Variants in SLC1A7 observed in about 807,000 individuals in gnomAD.
The protein encoded by SLC1A7 is excitatory amino acid transporter 5.
Under a neutral mutation model 47.7 loss-of-function variants are expected in SLC1A7, and 40 were observed. The ratio of observed to expected loss-of-function variants is 0.84; its 90% CI spans 0.65 to 1.09. The LOEUF (loss-of-function observed/expected upper bound fraction) is 1.09, where lower values mean the gene tolerates loss of function less well. Ranked by LOEUF, SLC1A7 falls within the 50% of genes least tolerant of loss-of-function variation. The pLI is 0.00. For missense variants in SLC1A7, 746 were observed against 769.5 expected, an observed-to-expected ratio of 0.97 and a Z score of 0.36; for synonymous variants, 323 against 325.6, an observed-to-expected ratio of 0.99 and a Z score of 0.09.
intron 5 of SLC1A7, 79 bp downstream of exon 5, chr1:53,103,266 TA>T: frequency 1.0e-6 from 1 of 995,868 alleles, no homozygotes; most frequent in South Asian, 1.6e-5. Flanking sequence ...CAGACCTCAG[TA>T]AGAGGTGGAG....
intron 7 of SLC1A7, 94 bp from the exon 8 acceptor site, chr1:53,090,900 C>T (rs772711353): frequency 1.5e-5 from 24 of 1,549,230 alleles, no homozygotes; most frequent in East Asian, 4.9e-5. Flanking sequence ...GCAGCCACCC[C>T]GCCAGGAGTG....
At position 53,129,287 on chromosome 1, in the gene SLC1A7, C is replaced by T. The variant is rs1184857273; in HGVS notation, c.215+5063G>A. Among the ~76,000 whole-genome samples the T allele has an allele frequency of 1.3e-5, 2 of 152,150 alleles. 1 individual carries two copies. The highest frequency in any genetic ancestry group is 4.8e-5 in the African/African-American group (2 of 41,434). On this transcript the variant is annotated intron_variant, in intron 2 of 10. Transcript: ENST00000371494. ...TCTTACTTACTTTTCGTAATAACCT[C>T]GTGAAGGAGGTATTCTTCCCACTTT...
intron 4 of SLC1A7, among the ~76,000 whole-genome samples, chr1:53,103,956 C>T (rs1644612218): frequency 6.6e-6 from 1 of 152,152 alleles, no homozygotes; most frequent in Non-Finnish European, 1.5e-5. Flanking sequence ...GCCCTGCTGC[C>T]CACCAGGTGG....
In SLC1A7 at chr1:53,120,938, C is replaced by T. The variant is rs918406743; in HGVS notation, c.216-5965G>A. Among the ~76,000 whole-genome samples the T allele has an allele frequency of 5.9e-4, 90 of 152,376 alleles. 1 individual carries two copies. Among genetic ancestry groups the T allele is most frequent in the African/African-American group, 1.9e-3 (80 of 41,590 alleles). On this transcript the variant is annotated intron_variant, in intron 2 of 10. Coordinates refer to ENST00000371494, the MANE Select transcript of SLC1A7 (RefSeq NM_006671.6). The stretch of plus-strand genomic sequence containing the variant: ...TCCCGTAAGCATCCCTCACTCACTG[C>T]GAGCCCTTGGGCATGTGACTGGGCC...
intron 3 of SLC1A7, chr1:53,108,428 T>C: frequency 1.6e-6 from 1 of 617,348 alleles, no homozygotes; most frequent in Non-Finnish European, 2.9e-6. Context: ...CTATGCAGTC[T>C]CCATTCTCCC....
intron 3 of SLC1A7, among the ~76,000 whole-genome samples, chr1:53,113,232 C>T (rs1244543488): frequency 2.0e-5 from 3 of 152,106 alleles, no homozygotes; most frequent in Non-Finnish European, 4.4e-5. Flanking sequence ...CCCAGCACAC[C>T]ATTCCTGGGT....
In SLC1A7 at chr1:53,092,585, C is replaced by G; in HGVS notation, c.1000G>C (p.Ala334Pro). The G allele has an allele frequency of 6.2e-7, 1 of 1,614,126 alleles. No individual in the cohort carries two copies. Among genetic ancestry groups the G allele is most frequent in the Non-Finnish European group, 8.5e-7 (1 of 1,179,984 alleles). ...GAGGTGGCCAGCGCGATGAGCAGAG[C>G]CTGCAGGATGCCACGGATGAAGACG... is the stretch of plus-strand genomic sequence containing the variant. ...PIVFIRGILQ[A>P]LLIALATSSS... Residue 334 changes from alanine (A) to proline (P), a missense_variant, in exon 7 of 11, where the codon GCT becomes CCT. By Grantham distance (27) the Ala-to-Pro change is conservative (BLOSUM62 -1). Coordinates refer to ENST00000371494, the MANE Select transcript of SLC1A7 (RefSeq NM_006671.6).
At chr1:53,100,726 G>GGTACACTCATACATACCACCTCA (rs148828865) in intron 5 of SLC1A7, among the ~76,000 whole-genome samples, 29,895 of 147,110 alleles carry the variant, frequency 0.2, 3,118 homozygotes, top group Middle Eastern at 0.29. Context: ...ATACCACCTC[G>GGTACACTCATACATACCACCTCA]GTACACTCAC....
At position 53,088,247 on chromosome 1, in the gene SLC1A7, C is replaced by A. The variant is rs977010325; in HGVS notation, c.1465-20G>T. On this transcript the variant is annotated intron_variant, in intron 10 of 10. Transcript: ENST00000371494. The stretch of plus-strand genomic sequence containing the variant: ...CAGTTTCTGGTGAAGGGAAACAGGT[C>A]TTTGTAGCAGCAGGAGGGACCAAGG... 7 of 1,575,148 alleles carry A rather than the reference C, an allele frequency of 4.4e-6. No individual in the cohort carries two copies. In the Admixed American group the frequency reaches 5.4e-5, roughly 12 times the overall value.
chr1:53,130,387 T>C (rs182615119), intron 2 of SLC1A7, among the ~76,000 whole-genome samples: 10 of 152,222 alleles, frequency 6.6e-5, no homozygotes, highest in African/African-American at 1.7e-4. Flanking sequence ...CTGTTTGTCC[T>C]GGAGAGGAGG....
intron 3 of SLC1A7, among the ~76,000 whole-genome samples, chr1:53,114,038 C>G (rs1313109726): frequency 6.6e-6 from 1 of 152,180 alleles, no homozygotes; most frequent in Non-Finnish European, 1.5e-5. Flanking sequence ...CCTGTCTGCT[C>G]GTGGGTCTGA....
chr1:53,114,539 A>AG, intron 3 of SLC1A7: 2 of 580,830 alleles, frequency 3.4e-6, no homozygotes, highest in Non-Finnish European at 6.2e-6. Context: ...ATCCACAGGC[A>AG]GAGAGGGGCA....
intron 3 of SLC1A7, among the ~76,000 whole-genome samples, chr1:53,109,123 C>G (rs1644675914): frequency 6.6e-6 from 1 of 152,024 alleles, no homozygotes; most frequent in Non-Finnish European, 1.5e-5. Flanking sequence ...CTAGGCAGAG[C>G]CAGAGTCCAC....
intron 2 of SLC1A7, chr1:53,118,280 C>T (rs1488336234): frequency 2.6e-5 from 4 of 152,348 alleles, no homozygotes; most frequent in African/African-American, 9.6e-5. Context: ...GACCAGGTCG[C>T]GTGGACGGGC....
At position 53,087,854 on chromosome 1, in the gene SLC1A7, C is replaced by T. The variant is rs1309792985; in HGVS notation, c.*155G>A. Reference sequence around the variant, plus strand: ...TGCAGCCTTTCCCTTCTCTGAGATACATTTTCCGTCAAGCGGGGTTAATTC... The same window carrying T: ...TGCAGCCTTTCCCTTCTCTGAGATATATTTTCCGTCAAGCGGGGTTAATTC... On this transcript the variant is annotated 3_prime_UTR_variant, in exon 11 of 11. Coordinates refer to ENST00000371494, the MANE Select transcript of SLC1A7 (RefSeq NM_006671.6). 1 of 429,940 alleles carries T rather than the reference C, an allele frequency of 2.3e-6. No individual in the cohort carries two copies. The highest frequency in any genetic ancestry group is 2.0e-5 in the African/African-American group (1 of 49,288). 26.6% of individuals were successfully genotyped at this position (429,940 alleles called of 1,614,324 possible).
chr1:53,118,829 C>T (rs1438942576), intron 2 of SLC1A7, among the ~76,000 whole-genome samples: 1 of 152,086 alleles, frequency 6.6e-6, no homozygotes, highest in African/African-American at 2.4e-5. Flanking sequence ...GAAGCCCCAT[C>T]TCTACTAAAA....
intron 1 of SLC1A7, among the ~76,000 whole-genome samples, chr1:53,137,579 A>G (rs1038067271): frequency 2.6e-5 from 4 of 152,192 alleles, no homozygotes; most frequent in African/African-American, 9.7e-5. Context: ...CAATGTTTTG[A>G]TCGCCAAACA....
chr1:53,108,601 C>A, intron 3 of SLC1A7: 1 of 718,016 alleles, frequency 1.4e-6, no homozygotes, highest in Non-Finnish European at 2.6e-6. Context: ...AGCCAGGACC[C>A]TTTGGTCCGT....
chr1:53,117,989 C>T (rs1450061980), intron 2 of SLC1A7, among the ~76,000 whole-genome samples: 4 of 152,266 alleles, frequency 2.6e-5, no homozygotes, highest in East Asian at 1.9e-4. Flanking sequence ...TGAGCAGCCG[C>T]GGGAACTGCT....
Sources: gnomAD v4.1 joint callset for allele counts (sites outside exome capture counted in the v4.1 genomes callset) on GRCh38, gnomAD v4.1.1 for gene constraint, MANE v1.5 for transcripts, NCBI Gene and HGNC (gene_info 2026-07-23, HGNC 2026-07-21) for gene names.